Variants in FRK observed in about 807,000 individuals in gnomAD.
FRK encodes the protein tyrosine-protein kinase FRK.
In FRK, 51 loss-of-function variants were observed where a neutral mutation model predicts 56.4. The observed-to-expected ratio is 0.90, with a 90% CI of 0.72 to 1.14. FRK has a LOEUF of 1.14. Ranked by LOEUF, FRK falls within the 50% of genes most tolerant of loss-of-function variation. The probability of loss-of-function intolerance (pLI) is 0.00; values close to 1 mark genes in which losing one functional copy is unlikely to be tolerated. For missense variants in FRK, 570 were observed against 601.4 expected (o/e 0.95, Z 0.55); for synonymous variants, 245 against 217.9 (o/e 1.12, Z -1.10).
At chr6:116,081,292 T>A in the FRK span, among the ~76,000 whole-genome samples, 1 of 152,236 alleles carries the variant, frequency 6.6e-6, no homozygotes, top group African/African-American at 2.4e-5. Context: ...ATCAGTACCA[T>A]CGTTTTGGAG....
At chr6:115,990,923 TG>T (rs1774578256) in intron 2 of FRK, among the ~76,000 whole-genome samples, 1 of 151,968 alleles carries the variant, frequency 6.6e-6, no homozygotes, top group African/African-American at 2.4e-5. Context: ...TTTTTCCATT[TG>T]TTTGTGTCAT....
intron 2 of FRK, among the ~76,000 whole-genome samples, chr6:115,995,264 C>T (rs571958706): frequency 2.6e-4 from 39 of 152,130 alleles, no homozygotes; most frequent in African/African-American, 8.7e-4. Flanking sequence ...TAACTCCAGC[C>T]ACTATCTTAA....
At position 115,938,209 on chromosome 6, in the gene FRK, C is replaced by T. The variant is rs1772085781; in HGVS notation, c.*4205G>A. The T allele has an allele frequency of 1.3e-5, 2 of 152,148 alleles. No individual in the cohort carries two copies. Among genetic ancestry groups the T allele is most frequent in the Non-Finnish European group, 2.9e-5 (2 of 68,046 alleles). 9.4% of individuals were successfully genotyped at this position (152,148 alleles called of 1,614,324 possible). On this transcript the variant is annotated 3_prime_UTR_variant, in exon 8 of 8. Coordinates refer to ENST00000606080, the MANE Select transcript of FRK (RefSeq NM_002031.3). ...AACAACTACTTGGAAACTGAACAAC[C>T]TGCTCCTGAATGACTACTGGGTAAA...
intron 1 of FRK, among the ~76,000 whole-genome samples, chr6:116,036,437 TATA>T (rs1289153789): frequency 6.6e-6 from 1 of 152,184 alleles, no homozygotes; most frequent in African/African-American, 2.4e-5. Context: ...GTTGGTAAAA[TATA>T]ATGTTACATT....
At chr6:116,052,527 A>G (rs890584075) in intron 1 of FRK, among the ~76,000 whole-genome samples, 2 of 152,160 alleles carry the variant, frequency 1.3e-5, no homozygotes, top group African/African-American at 4.8e-5. Flanking sequence ...TCCACTACCC[A>G]CATCCATAGT....
chr6:116,095,977 G>A, the FRK span, among the ~76,000 whole-genome samples: 1 of 152,216 alleles, frequency 6.6e-6, no homozygotes, highest in African/African-American at 2.4e-5. Context: ...TGGGTGACAT[G>A]ACTTCTCCCC....
chr6:116,070,481 C>T, the FRK span, among the ~76,000 whole-genome samples: 6 of 152,086 alleles, frequency 3.9e-5, no homozygotes, highest in Admixed American at 6.6e-5. Context: ...ATTTATTTTG[C>T]GTCCTTTGAA....
chr6:116,009,361 G>A (rs998410416), intron 1 of FRK, among the ~76,000 whole-genome samples: 1 of 152,168 alleles, frequency 6.6e-6, no homozygotes, highest in African/African-American at 2.4e-5. Context: ...AAACTCTGGG[G>A]GTGGGCCCAA....
chr6:115,982,325 G>A (rs1392374915), intron 2 of FRK, among the ~76,000 whole-genome samples: 1 of 152,182 alleles, frequency 6.6e-6, no homozygotes, highest in Non-Finnish European at 1.5e-5. Context: ...ACCATTGCCA[G>A]CCTTTCTGGG....
chr6:116,032,755 A>C (rs1426817477), intron 1 of FRK, among the ~76,000 whole-genome samples: 1 of 152,046 alleles, frequency 6.6e-6, no homozygotes, highest in Non-Finnish European at 1.5e-5. Flanking sequence ...TGAGATGCAG[A>C]GAGTAATTTT....
intron 1 of FRK, among the ~76,000 whole-genome samples, chr6:116,025,515 A>G (rs1776054712): frequency 6.6e-6 from 1 of 152,170 alleles, no homozygotes; most frequent in Admixed American, 6.6e-5. Flanking sequence ...CCTGCCACTG[A>G]TGGTGAAATC....
At position 116,060,191 on chromosome 6, in the gene FRK, G is replaced by A. The variant is rs1188096595; in HGVS notation, c.121C>T (p.Gln41Ter). 3 of 1,614,072 alleles carry A rather than the reference G, an allele frequency of 1.9e-6. No homozygotes were observed. Among genetic ancestry groups the A allele is most frequent in the Non-Finnish European group, 2.5e-6 (3 of 1,180,036 alleles). ...NPGALCSPQS[Q>*]RHGHYFVALF... is the part of the protein sequence containing the mutation. ...GCCACAAAGTAGTGGCCATGCCTCT[G>A]TGACTGGGGAGAGCAAAGGGCCCCT... The change falls in exon 1 of 8, where the codon CAG becomes TAG. Residue 41 changes from glutamine to a stop codon, truncating the protein, a stop_gained. Transcript: ENST00000606080. LOFTEE classifies it high-confidence loss of function.
At chr6:116,090,694 C>A in the FRK span, among the ~76,000 whole-genome samples, 1 of 152,156 alleles carries the variant, frequency 6.6e-6, no homozygotes, top group East Asian at 1.9e-4. Flanking sequence ...AAAATTCTCT[C>A]CCCAGACCTC....
intron 1 of FRK, among the ~76,000 whole-genome samples, chr6:116,047,406 T>G (rs1777005801): frequency 6.7e-6 from 1 of 150,098 alleles, no homozygotes; most frequent in Admixed American, 6.7e-5. Flanking sequence ...TCTTTTTTTT[T>G]TTTTTAATTG....
In FRK at chr6:115,934,821, C is replaced by A. The variant is rs770146539; in HGVS notation, c.*7593G>T. 2.6e-5 allele frequency: 4 copies of A among 151,936 alleles called. No homozygotes were observed. Among genetic ancestry groups the A allele is most frequent in the Non-Finnish European group, 5.9e-5 (4 of 68,022 alleles). 9.4% of individuals were successfully genotyped at this position (151,936 alleles called of 1,614,324 possible). A position where few individuals can be genotyped will look rare whatever the true frequency, so the allele number is the denominator to read the frequency against. The stretch of plus-strand genomic sequence containing the variant: ...GATTTTGAAACCATCTTGGAAAAGT[C>A]TACCTAGTTATCTAATGAGACAGAT... On this transcript the variant is annotated 3_prime_UTR_variant, in exon 8 of 8. Coordinates refer to ENST00000606080, the MANE Select transcript of FRK (RefSeq NM_002031.3).
At chr6:116,091,466 C>T in the FRK span, among the ~76,000 whole-genome samples, 157 of 152,276 alleles carry the variant, frequency 1.0e-3, no homozygotes, top group African/African-American at 3.6e-3. Flanking sequence ...GTCTGCGCCA[C>T]CTTTAAGAGC....
the FRK span, among the ~76,000 whole-genome samples, chr6:116,085,943 C>T: frequency 1.6e-5 from 2 of 124,604 alleles, no homozygotes; most frequent in Admixed American, 7.7e-5. Context: ...TACATTGACA[C>T]TTCCATTGTA....
chr6:116,044,570 G>C (rs1282076862), intron 1 of FRK, among the ~76,000 whole-genome samples: 1 of 152,120 alleles, frequency 6.6e-6, no homozygotes, highest in African/African-American at 2.4e-5. Flanking sequence ...ATTAGGTATT[G>C]ATGAAATGTA....
chr6:116,068,710 T>C, the FRK span, among the ~76,000 whole-genome samples: 2 of 152,134 alleles, frequency 1.3e-5, no homozygotes, highest in Non-Finnish European at 2.9e-5. Flanking sequence ...TTACAGAGCA[T>C]AATCATGAAA....
Sources: allele counts gnomAD v4.1 joint callset (sites outside exome capture counted in the v4.1 genomes callset), GRCh38; gene constraint gnomAD v4.1.1; transcripts MANE v1.5; gene names NCBI Gene and HGNC (gene_info 2026-07-23, HGNC 2026-07-21).